The following CNTNAP5 variants were observed in gnomAD, a reference collection of about 807,000 sequenced individuals.
CNTNAP5 encodes contactin-associated protein-like 5.
Under a neutral mutation model 150.2 loss-of-function variants are expected in CNTNAP5, and 72 were observed. The observed-to-expected ratio is 0.48, with a 90% CI of 0.40 to 0.58. The LOEUF is 0.58. Ranked by LOEUF, CNTNAP5 falls within the 20% of genes least tolerant of loss-of-function variation. CNTNAP5 has a pLI of 0.00. For synonymous variants in CNTNAP5, 672 were observed against 619.8 expected, an observed-to-expected ratio of 1.08 and a Z score of -1.25; for missense variants, 1,636 against 1,626.2, an observed-to-expected ratio of 1.01 and a Z score of -0.10.
At chr2:124,816,224 A>G (rs1000575037) in intron 19 of CNTNAP5, among the ~76,000 whole-genome samples, 1 of 152,168 alleles carries the variant, frequency 6.6e-6, no homozygotes, top group African/African-American at 2.4e-5. Context: ...CAAGAGTCCA[A>G]TCACCATTTG....
chr2:124,346,210 G>T (rs1689733650), intron 3 of CNTNAP5, among the ~76,000 whole-genome samples: 2 of 152,172 alleles, frequency 1.3e-5, no homozygotes, highest in Admixed American at 1.3e-4. Context: ...TGATTTGAGA[G>T]TGAGCAAAAG....
chr2:124,817,744 C>A (rs1573637334), intron 19 of CNTNAP5, among the ~76,000 whole-genome samples: 1 of 152,190 alleles, frequency 6.6e-6, no homozygotes, highest in African/African-American at 2.4e-5. Flanking sequence ...TTTCTTGAGG[C>A]CTTATTCAGC....
At chr2:124,887,977 T>C (rs1252831914) in intron 21 of CNTNAP5, among the ~76,000 whole-genome samples, 1 of 152,124 alleles carries the variant, frequency 6.6e-6, no homozygotes, top group Non-Finnish European at 1.5e-5. Flanking sequence ...ACTTTTATAA[T>C]ATTTTAGATA....
chr2:124,561,349 C>T (rs1412520519), intron 10 of CNTNAP5, among the ~76,000 whole-genome samples: 3 of 152,130 alleles, frequency 2.0e-5, no homozygotes, highest in Non-Finnish European at 2.9e-5. Context: ...GAAATCCTTA[C>T]TGGGATGAGG....
chr2:124,707,303 A>T (rs1679711681), intron 13 of CNTNAP5, among the ~76,000 whole-genome samples: 1 of 152,118 alleles, frequency 6.6e-6, no homozygotes, highest in African/African-American at 2.4e-5. Flanking sequence ...GCAAGAGAGA[A>T]AAGATGAGGC....
chr2:124,886,498 C>A (rs543285878), intron 21 of CNTNAP5, among the ~76,000 whole-genome samples: 1 of 152,160 alleles, frequency 6.6e-6, no homozygotes, highest in African/African-American at 2.4e-5. Context: ...ATGTTATGAA[C>A]TTTGGCTTTG....
At chr2:124,434,099 T>C (rs1573992582) in intron 4 of CNTNAP5, among the ~76,000 whole-genome samples, 2 of 152,150 alleles carry the variant, frequency 1.3e-5, no homozygotes, top group South Asian at 2.1e-4. Context: ...GTGTCTGAGA[T>C]AAGGAGATCA....
intron 13 of CNTNAP5, among the ~76,000 whole-genome samples, chr2:124,671,802 G>C (rs1292642464): frequency 6.6e-6 from 1 of 152,036 alleles, no homozygotes; most frequent in African/African-American, 2.4e-5. Context: ...ACCATGCCTG[G>C]CTAGTTTTTG....
chr2:124,906,335 C>A (rs1172174644), intron 22 of CNTNAP5, among the ~76,000 whole-genome samples: 2 of 152,082 alleles, frequency 1.3e-5, no homozygotes, highest in African/African-American at 2.4e-5. Flanking sequence ...ATGGGTTTTG[C>A]AAGTAGTGGT....
chr2:124,163,243 T>C (rs576683480), intron 1 of CNTNAP5, among the ~76,000 whole-genome samples: 2 of 152,262 alleles, frequency 1.3e-5, no homozygotes, highest in South Asian at 4.1e-4. Flanking sequence ...CAGTGTTTGA[T>C]ATTTGGGCCA....
At chr2:124,537,908 C>T (rs964375296) in intron 10 of CNTNAP5, among the ~76,000 whole-genome samples, 2 of 152,090 alleles carry the variant, frequency 1.3e-5, no homozygotes, top group Non-Finnish European at 2.9e-5. Flanking sequence ...ATGGAAAACA[C>T]GGAGGGCTGA....
At chr2:124,348,728 G>A (rs1689800238) in intron 3 of CNTNAP5, among the ~76,000 whole-genome samples, 1 of 151,918 alleles carries the variant, frequency 6.6e-6, no homozygotes, top group Admixed American at 6.6e-5. Flanking sequence ...ACATAATATT[G>A]TATTTAACAT....
intron 13 of CNTNAP5, among the ~76,000 whole-genome samples, chr2:124,685,809 G>T (rs1573547109): frequency 1.3e-5 from 2 of 151,664 alleles, no homozygotes; most frequent in South Asian, 2.1e-4. Context: ...GGAATGAATG[G>T]CACATAAGCT....
At chr2:124,502,055 C>T (rs966128274) in intron 7 of CNTNAP5, among the ~76,000 whole-genome samples, 6 of 152,088 alleles carry the variant, frequency 3.9e-5, no homozygotes, top group African/African-American at 1.4e-4. Context: ...GTCCAAGGAC[C>T]GAAAGCATAT....
intron 19 of CNTNAP5, among the ~76,000 whole-genome samples, chr2:124,821,247 G>A (rs998001873): frequency 2.0e-5 from 3 of 152,170 alleles, no homozygotes; most frequent in African/African-American, 7.2e-5. Context: ...AAACTAAGGA[G>A]AAAAAGAGCC....
At chr2:124,579,192 A>G (rs955765622) in intron 11 of CNTNAP5, among the ~76,000 whole-genome samples, 3 of 152,206 alleles carry the variant, frequency 2.0e-5, no homozygotes, top group Non-Finnish European at 4.4e-5. Flanking sequence ...CTAGAATGGC[A>G]TCATTTGTTA....
At chr2:124,262,971 A>C (rs1687497932) in intron 3 of CNTNAP5, among the ~76,000 whole-genome samples, 1 of 152,058 alleles carries the variant, frequency 6.6e-6, no homozygotes, top group Non-Finnish European at 1.5e-5. Flanking sequence ...CCTACAAAGG[A>C]CATGAACTCA....
chr2:124,408,457 G>A (rs1336840391), intron 3 of CNTNAP5, among the ~76,000 whole-genome samples: 1 of 152,192 alleles, frequency 6.6e-6, no homozygotes, highest in Non-Finnish European at 1.5e-5. Context: ...AAAGACAGCA[G>A]TAACCTCTGC....
Position 124,919,754 on chromosome 2 carries a change from T to G in CNTNAP5, c.*5466T>G, listed in dbSNP as rs1313126759. 6.6e-6 allele frequency among the ~76,000 whole-genome samples: 1 copy of G among 152,128 alleles called. No homozygotes were observed. The highest frequency in any genetic ancestry group is 1.5e-5 in the Non-Finnish European group (1 of 68,012). ...AACACTTCTTCAGTCACATTCTTTT[T>G]TTTCAATTTTTAAATTTTTTTTCAG... On this transcript the variant is annotated 3_prime_UTR_variant, in exon 24 of 24. Transcript: ENST00000682447.
Sources: gnomAD v4.1 joint callset for allele counts (sites outside exome capture counted in the v4.1 genomes callset) on GRCh38, gnomAD v4.1.1 for gene constraint, MANE v1.5 for transcripts, NCBI Gene and HGNC (gene_info 2026-07-23, HGNC 2026-07-21) for gene names.